The following ATP8A2 variants were observed in gnomAD, a reference collection of about 807,000 sequenced individuals.
ATP8A2 encodes the protein phospholipid-transporting ATPase IB.
A neutral mutation model predicts 165.6 loss-of-function variants in ATP8A2; 100 were observed. The ratio of observed to expected loss-of-function variants is 0.60; its 90% CI spans 0.51 to 0.71. ATP8A2 has a LOEUF of 0.71. Ranked by LOEUF, ATP8A2 falls within the 30% of genes least tolerant of loss-of-function variation. The pLI is 0.00. For synonymous variants in ATP8A2, 543 were observed against 548.8 expected (o/e 0.99, Z 0.15); for missense variants, 1,227 against 1,479.5 (o/e 0.83, Z 2.80).
At chr13:25,945,597 T>C (rs1223497879) in intron 33 of ATP8A2, among the ~76,000 whole-genome samples, 1 of 151,990 alleles carries the variant, frequency 6.6e-6, no homozygotes, top group Non-Finnish European at 1.5e-5. Flanking sequence ...TGAACTTTGG[T>C]GTGGAGGGGC....
At chr13:25,600,002 G>A (rs1014182284) in intron 24 of ATP8A2, among the ~76,000 whole-genome samples, 1 of 152,292 alleles carries the variant, frequency 6.6e-6, no homozygotes. Flanking sequence ...CTGCTCAGGA[G>A]ATAAAAACCA....
intron 6 of ATP8A2, among the ~76,000 whole-genome samples, chr13:25,536,178 C>T (rs1478885650): frequency 6.6e-6 from 1 of 152,106 alleles, no homozygotes; most frequent in Non-Finnish European, 1.5e-5. Context: ...GTGGTGCCGT[C>T]TTGGCTCACT....
In ATP8A2 at chr13:25,634,548, A is replaced by G. The variant is rs1359421888; in HGVS notation, c.2211+44849A>G. On this transcript the variant is annotated intron_variant, in intron 24 of 36. Transcript: ENST00000381655. ...CAGTTTGTCTTAAGCCTTTTAAATT[A>G]TGACTTACATGATCTCTTAAGGCCC... Among the ~76,000 whole-genome samples, 3 of 152,160 alleles carry G rather than the reference A, an allele frequency of 2.0e-5. No homozygotes were observed. The East Asian group carries it at 5.8e-4, about 29-fold the overall frequency.
At chr13:25,912,403 G>C (rs546788670) in intron 33 of ATP8A2, among the ~76,000 whole-genome samples, 126 of 152,284 alleles carry the variant, frequency 8.3e-4, no homozygotes, top group Middle Eastern at 3.4e-3. Context: ...GGGGGATGGA[G>C]AGATGATGGT....
chr13:25,664,974 A>G (rs1220457253), intron 24 of ATP8A2, among the ~76,000 whole-genome samples: 1 of 151,772 alleles, frequency 6.6e-6, no homozygotes, highest in Non-Finnish European at 1.5e-5. Flanking sequence ...AATTAAGAAA[A>G]TAACTTTCTG....
At position 25,486,700 on chromosome 13, in the gene ATP8A2, C is replaced by T. The variant is rs149588487; in HGVS notation, c.221+17579C>T. On this transcript the variant is annotated intron_variant, in intron 2 of 36. Transcript: ENST00000381655. ...CAAATAGAGGCTGGGCATGGTAGCT[C>T]ACACCTGTAATCCCAGCACTTTGGG... Among the ~76,000 whole-genome samples the T allele has an allele frequency of 2.8e-3, 428 of 152,330 alleles. 3 individuals carry two copies. Among genetic ancestry groups the T allele is most frequent in the African/African-American group, 9.7e-3 (403 of 41,576 alleles).
intron 27 of ATP8A2, among the ~76,000 whole-genome samples, chr13:25,825,191 C>G (rs1340458331): frequency 3.2e-5 from 4 of 125,488 alleles, no homozygotes; most frequent in African/African-American, 1.2e-4. Context: ...GGGTCTCACT[C>G]CATAGCCCAG....
chr13:25,855,250 C>CAAA (rs377574904), intron 30 of ATP8A2, among the ~76,000 whole-genome samples: 1 of 111,588 alleles, frequency 9.0e-6, no homozygotes. Flanking sequence ...GACTCCATCT[C>CAAA]AAAAAAAAAA....
At chr13:25,710,392 C>T (rs2043135953) in intron 25 of ATP8A2, among the ~76,000 whole-genome samples, 1 of 152,280 alleles carries the variant, frequency 6.6e-6, no homozygotes. Flanking sequence ...TATGTTTGTA[C>T]CCGTTAGCCA....
chr13:25,544,470 CCACCGCAGCTAGTAAACA>C (rs745621964), intron 10 of ATP8A2, among the ~76,000 whole-genome samples: 46 of 152,254 alleles, frequency 3.0e-4, no homozygotes, highest in Middle Eastern at 3.4e-3. Flanking sequence ...ACGTTGGTGG[CCACCGCAGCTAGTAAACA>C]CATTGGAGAC....
chr13:25,907,182 A>G (rs758741243), intron 33 of ATP8A2, among the ~76,000 whole-genome samples: 4 of 152,108 alleles, frequency 2.6e-5, no homozygotes, highest in Non-Finnish European at 5.9e-5. Flanking sequence ...GTGAGTAACC[A>G]CTGTGCTACC....
At chr13:25,968,112 C>T (rs577818962) in intron 34 of ATP8A2, among the ~76,000 whole-genome samples, 11 of 152,310 alleles carry the variant, frequency 7.2e-5, no homozygotes, top group African/African-American at 2.6e-4. Context: ...GCTCTTTTCA[C>T]GCTAAAGAGG....
At chr13:25,420,790 G>A (rs1315623671) in intron 1 of ATP8A2, among the ~76,000 whole-genome samples, 1 of 152,176 alleles carries the variant, frequency 6.6e-6, no homozygotes. Flanking sequence ...GGTAGGAATC[G>A]ATATCCATGC....
chr13:25,738,187 G>A (rs2043820997), intron 25 of ATP8A2, among the ~76,000 whole-genome samples: 1 of 152,164 alleles, frequency 6.6e-6, no homozygotes, highest in Non-Finnish European at 1.5e-5. Context: ...GAAGTAGGGG[G>A]CTGGGATTTA....
chr13:25,821,929 T>TAA (rs1951192203), intron 27 of ATP8A2, among the ~76,000 whole-genome samples: 1 of 152,152 alleles, frequency 6.6e-6, no homozygotes, highest in South Asian at 2.1e-4. Context: ...ATGAATGTGT[T>TAA]AAACAAGTCT....
At chr13:25,567,375 A>G (rs1238127833) in intron 16 of ATP8A2, 1 of 456,682 alleles carries the variant, frequency 2.2e-6, no homozygotes, top group South Asian at 1.5e-5. Flanking sequence ...AAAGAACTTT[A>G]GGAAGAAATC....
At chr13:25,450,792 A>G (rs926136203) in intron 1 of ATP8A2, among the ~76,000 whole-genome samples, 3 of 151,882 alleles carry the variant, frequency 2.0e-5, no homozygotes, top group African/African-American at 4.8e-5. Flanking sequence ...CGGCCTCCCA[A>G]AGTGCTAGGA....
At chr13:25,661,288 C>T (rs2042045443) in intron 24 of ATP8A2, among the ~76,000 whole-genome samples, 1 of 152,202 alleles carries the variant, frequency 6.6e-6, no homozygotes, top group Admixed American at 6.5e-5. Flanking sequence ...GAGGCTACCC[C>T]TACCAAGTCT....
intron 25 of ATP8A2, among the ~76,000 whole-genome samples, chr13:25,701,882 T>C (rs2042958751): frequency 6.6e-6 from 1 of 152,170 alleles, no homozygotes; most frequent in Non-Finnish European, 1.5e-5. Context: ...AGAGGAAATT[T>C]CAAATTAAAT....
Sources: allele counts gnomAD v4.1 joint callset (sites outside exome capture counted in the v4.1 genomes callset), GRCh38; gene constraint gnomAD v4.1.1; transcripts MANE v1.5; gene names NCBI Gene and HGNC (gene_info 2026-07-23, HGNC 2026-07-21).